TBC1D7: variants seen among roughly 807,000 people sequenced by gnomAD.
The protein encoded by TBC1D7 is TBC1 domain family member 7, also known as TBC domain family 7.
Under a neutral mutation model 35.3 loss-of-function variants are expected in TBC1D7, and 33 were observed. The ratio of observed to expected loss-of-function variants is 0.93; its 90% CI spans 0.71 to 1.25. The LOEUF (loss-of-function observed/expected upper bound fraction) is 1.25, where lower values mean the gene tolerates loss of function less well. Among genes scored for constraint, TBC1D7 ranks in the 50% most tolerant of loss-of-function variants. The pLI, the probability that TBC1D7 is intolerant of heterozygous loss-of-function variation, is 0.00. For synonymous variants in TBC1D7, 135 were observed against 129.5 expected (o/e 1.04, Z -0.29); for missense variants, 362 against 365.3 (o/e 0.99, Z 0.07).
intron 4 of TBC1D7, chr6:13,320,094 G>C (rs1783919998): frequency 6.6e-6 from 1 of 152,210 alleles, no homozygotes. Flanking sequence ...AAACCTAAAG[G>C]GAGGGGCTTT....
intron 7 of TBC1D7, 95 bp downstream of exon 7, chr6:13,306,302 TA>T: frequency 9.0e-7 from 1 of 1,112,336 alleles, no homozygotes; most frequent in South Asian, 1.6e-5. Context: ...TAAAATCATG[TA>T]ATTATTTCTC....
Position 13,321,073 on chromosome 6 carries a change from C to G in TBC1D7, c.216G>C (p.Glu72Asp), listed in dbSNP as rs969518992. The change falls in exon 4 of 8, where the codon GAG (glutamate) becomes GAC (aspartate). Residue 72 changes from glutamate (E) to aspartate (D), a missense_variant. Transcript: ENST00000379300. Reference sequence around the variant, plus strand: ...GATACATCATCACCTTGGCATGGGACTCGTGGTGTGGAGGCAAGATTCCTA... The same window carrying G: ...GATACATCATCACCTTGGCATGGGAGTCGTGGTGTGGAGGCAAGATTCCTA... ...VLLGILPPHH[E>D]SHAKVMMYRK... The G allele has an allele frequency of 1.2e-6, 2 of 1,613,180 alleles. No individual in the cohort carries two copies. The highest frequency in any genetic ancestry group is 1.7e-6 in the Non-Finnish European group (2 of 1,179,428).
chr6:13,306,122 C>A, intron 7 of TBC1D7: 1 of 252,494 alleles, frequency 4.0e-6, no homozygotes, highest in Non-Finnish European at 7.5e-6. Flanking sequence ...TGTAAAAATA[C>A]ACTGTATGAT....
chr6:13,326,569 A>C (rs1479382994), intron 2 of TBC1D7, among the ~76,000 whole-genome samples: 2 of 152,226 alleles, frequency 1.3e-5, no homozygotes, highest in Non-Finnish European at 2.9e-5. Flanking sequence ...AAAGAAAAAA[A>C]TACTACTGAC....
chr6:13,317,165 CA>C (rs757128086), intron 4 of TBC1D7, among the ~76,000 whole-genome samples: 1 of 152,200 alleles, frequency 6.6e-6, no homozygotes, highest in East Asian at 1.9e-4. Context: ...TGCTTTATTT[CA>C]AAGCATTCAC....
At chr6:13,316,500 A>C in intron 5 of TBC1D7, 71 bp downstream of exon 5, 1 of 1,515,912 alleles carries the variant, frequency 6.6e-7, no homozygotes, top group South Asian at 1.2e-5. Context: ...CCAGGAGGTA[A>C]GAGCACTCCC....
chr6:13,308,304 C>T (rs1782953554), intron 5 of TBC1D7, among the ~76,000 whole-genome samples: 1 of 152,196 alleles, frequency 6.6e-6, no homozygotes. Flanking sequence ...GATTGAGCAC[C>T]ACTGTGCACC....
At chr6:13,320,871 G>A (rs755399523) in intron 4 of TBC1D7, 37 bp downstream of exon 4, 1 of 1,602,842 alleles carries the variant, frequency 6.2e-7, no homozygotes, top group Non-Finnish European at 8.5e-7. Flanking sequence ...GGACGGTCTA[G>A]AGTTGAGCTT....
Position 13,305,052 on chromosome 6 carries a change from C to T in TBC1D7, c.*49G>A. On this transcript the variant is annotated 3_prime_UTR_variant, in exon 8 of 8. Coordinates refer to ENST00000379300, the MANE Select transcript of TBC1D7 (RefSeq NM_016495.6). ...TTTCCCAGATCACATGCCAAGAACA[C>T]AATGCTCACTGTGGTGCCTGGCAGA... is the stretch of plus-strand genomic sequence containing the variant. 1.4e-6 allele frequency: 2 copies of T among 1,436,402 alleles called. No homozygotes were observed. Among genetic ancestry groups the T allele is most frequent in the Non-Finnish European group, 1.9e-6 (2 of 1,050,614 alleles). The allele number at this position is 1,436,402 out of a possible 1,614,324, so 89.0% of individuals were successfully genotyped here.
chr6:13,319,401 G>T (rs919072457), intron 4 of TBC1D7: 1 of 148,354 alleles, frequency 6.7e-6, no homozygotes, highest in African/African-American at 2.5e-5. Context: ...CAGAAGTTGC[G>T]TTGAGCCAAG....
At position 13,307,762 on chromosome 6, in the gene TBC1D7, A is replaced by G. The variant is rs147387863; in HGVS notation, c.520-17T>C. 139 of 1,607,320 alleles carry G rather than the reference A, an allele frequency of 8.6e-5. No individual in the cohort carries two copies. In the African/African-American group the frequency reaches 1.7e-3, roughly 19 times the overall value. ...CGCTTTTGGCTAAAGATTAAGCAAG[A>G]ACAGAGATTATTCATTTTCTGTGTC... is the stretch of plus-strand genomic sequence containing the variant. On this transcript the variant is annotated splice_polypyrimidine_tract_variant and intron_variant, in intron 5 of 7. Coordinates refer to ENST00000379300, the MANE Select transcript of TBC1D7 (RefSeq NM_016495.6).
At chr6:13,318,664 A>C (rs1390863699) in intron 4 of TBC1D7, 2 of 152,238 alleles carry the variant, frequency 1.3e-5, no homozygotes. Flanking sequence ...AATAAAAATA[A>C]ATTTTGTAAA....
intron 5 of TBC1D7, among the ~76,000 whole-genome samples, chr6:13,310,209 C>T (rs982646179): frequency 2.0e-5 from 3 of 152,226 alleles, no homozygotes; most frequent in Non-Finnish European, 4.4e-5. Flanking sequence ...TGAGAAGCTG[C>T]ATGCACAAGT....
chr6:13,316,590 C>CGGG lies in TBC1D7; in HGVS notation c.499_500insCCC (p.Tyr166_Arg167insPro), dbSNP rs1562165398. On this transcript the variant is annotated inframe_insertion, in exon 5 of 8. Transcript: ENST00000379300. ...CCTCACCAACTGGGGCAAGGAATCC[C>CGGG]GGTACTTGGTATTTAATTGGTTCAC... 1.2e-6 allele frequency: 2 copies of CGGG among 1,612,200 alleles called. No homozygotes were observed. The highest frequency in any genetic ancestry group is 1.7e-5 in the Admixed American group (1 of 59,754).
intron 3 of TBC1D7, among the ~76,000 whole-genome samples, chr6:13,324,327 C>A (rs1183371005): frequency 1.3e-5 from 2 of 152,182 alleles, no homozygotes; most frequent in East Asian, 3.9e-4. Flanking sequence ...GGGGGTTTCA[C>A]CCTTGTTGGC....
At chr6:13,305,484 C>T (rs78020307) in intron 7 of TBC1D7, 2 of 458,606 alleles carry the variant, frequency 4.4e-6, no homozygotes, top group Non-Finnish European at 8.0e-6. Context: ...CCTGACTTCA[C>T]AGAGCTGTTC....
Position 13,316,681 on chromosome 6 carries a change from T to C in TBC1D7, c.409A>G (p.Ile137Val). ...LEPDDEVFLAIAKAMEEMVED... is the reference protein window; with the variant it reads ...LEPDDEVFLAVAKAMEEMVED... Reference sequence around the variant, plus strand: ...ACCATTTCCTCCATGGCTTTAGCTATGGCAAGAAACACTTCATCATCTGGC... The same window carrying C: ...ACCATTTCCTCCATGGCTTTAGCTACGGCAAGAAACACTTCATCATCTGGC... Residue 137 changes from isoleucine (I) to valine (V), a missense_variant, in exon 5 of 8, where the codon ATA (isoleucine) becomes GTA (valine). Ile to Val is a conservative substitution (Grantham distance 29). Transcript: ENST00000379300. 1.2e-6 allele frequency: 2 copies of C among 1,614,140 alleles called. No homozygotes were observed. The highest frequency in any genetic ancestry group is 1.7e-6 in the Non-Finnish European group (2 of 1,180,008).
At chr6:13,326,013 T>C (rs1157776962) in intron 2 of TBC1D7, among the ~76,000 whole-genome samples, 1 of 152,122 alleles carries the variant, frequency 6.6e-6, no homozygotes, top group Non-Finnish European at 1.5e-5. Context: ...AAAGATAAGG[T>C]GAGAAATGTT....
intron 4 of TBC1D7, chr6:13,320,216 T>C (rs1274605838): frequency 2.6e-5 from 4 of 154,192 alleles, no homozygotes; most frequent in African/African-American, 7.3e-5. Context: ...CCCAGTGCAA[T>C]GCCTAAACCA....
Sources: gnomAD v4.1 joint callset for allele counts (sites outside exome capture counted in the v4.1 genomes callset) on GRCh38, gnomAD v4.1.1 for gene constraint, MANE v1.5 for transcripts, NCBI Gene and HGNC (gene_info 2026-07-23, HGNC 2026-07-21) for gene names.